Variants in PEBP4 observed in about 807,000 individuals in gnomAD.
PEBP4 encodes phosphatidylethanolamine binding protein 4, also known as phosphatidylethanolamine-binding protein 4.
In PEBP4, 22 loss-of-function variants were observed where a neutral mutation model predicts 23.9. That is an observed-to-expected ratio of 0.92 (90% confidence interval 0.66 to 1.31). PEBP4 has a LOEUF of 1.31. Ranked by LOEUF, PEBP4 falls within the 40% of genes most tolerant of loss-of-function variation. The probability of loss-of-function intolerance (pLI) is 0.00; values close to 1 mark genes in which losing one functional copy is unlikely to be tolerated. For synonymous variants in PEBP4, 112 were observed against 99.3 expected, an observed-to-expected ratio of 1.13 and a Z score of -0.76; for missense variants, 324 against 281.7, an observed-to-expected ratio of 1.15 and a Z score of -1.07.
chr8:22,896,198 A>G (rs1016132917), intron 3 of PEBP4: 2 of 152,258 alleles, frequency 1.3e-5, no homozygotes, highest in African/African-American at 4.8e-5. Context: ...GAGCTTGGAC[A>G]ATCACTGTCA....
intron 2 of PEBP4, chr8:22,924,852 G>A (rs1354529239): frequency 3.0e-6 from 3 of 985,382 alleles, no homozygotes; most frequent in Non-Finnish European, 3.6e-6. Flanking sequence ...AGCAGGGAAG[G>A]TCTGATTCCC....
intron 1 of PEBP4, among the ~76,000 whole-genome samples, chr8:22,933,107 C>A (rs966039329): frequency 1.3e-5 from 2 of 152,240 alleles, no homozygotes; most frequent in East Asian, 3.9e-4. Context: ...CAAGCCCCAG[C>A]TCTTCCTTAA....
At chr8:22,749,564 A>G (rs1805202592) in intron 4 of PEBP4, among the ~76,000 whole-genome samples, 1 of 152,132 alleles carries the variant, frequency 6.6e-6, no homozygotes, top group African/African-American at 2.4e-5. Flanking sequence ...TCGTTTGCTC[A>G]CTGTCTGAAC....
At chr8:22,768,536 G>T (rs1003169145) in intron 4 of PEBP4, among the ~76,000 whole-genome samples, 1 of 152,188 alleles carries the variant, frequency 6.6e-6, no homozygotes, top group Non-Finnish European at 1.5e-5. Flanking sequence ...CCGGGCCTCC[G>T]GTGCGGAGCT....
chr8:22,854,379 C>A (rs1807599641), intron 3 of PEBP4, among the ~76,000 whole-genome samples: 1 of 152,104 alleles, frequency 6.6e-6, no homozygotes, highest in Non-Finnish European at 1.5e-5. Flanking sequence ...AGGTCTGGCA[C>A]CCACTCCTCC....
At chr8:22,729,166 C>T (rs946630836) in intron 4 of PEBP4, among the ~76,000 whole-genome samples, 5 of 152,344 alleles carry the variant, frequency 3.3e-5, no homozygotes, top group South Asian at 2.1e-4. Context: ...GTCTCCTTGC[C>T]GCCCATCTCT....
intron 4 of PEBP4, among the ~76,000 whole-genome samples, chr8:22,799,827 C>A (rs895578263): frequency 1.3e-5 from 2 of 152,116 alleles, no homozygotes; most frequent in African/African-American, 4.8e-5. Flanking sequence ...GTAGAAATAC[C>A]ATTTGACCCA....
chr8:22,725,999 A>ATGTGTGTGTGTG (rs10680983), intron 5 of PEBP4, among the ~76,000 whole-genome samples: 5,948 of 146,360 alleles, frequency 0.041, 158 homozygotes, highest in Non-Finnish European at 0.053. Flanking sequence ...GATCAGATAT[A>ATGTGTGTGTGTG]TGTGTGTGTG....
At position 22,749,802 on chromosome 8, in the gene PEBP4, A is replaced by ATTTTTTTTTTTTTTTTTT. The variant is rs754912133; in HGVS notation, c.358-22583_358-22582insAAAAAAAAAAAAAAAAAA. Among the ~76,000 whole-genome samples, 37 of 41,524 alleles carry ATTTTTTTTTTTTTTTTTT rather than the reference A, an allele frequency of 8.9e-4. 1 individual carries two copies. Among genetic ancestry groups the ATTTTTTTTTTTTTTTTTT allele is most frequent in the South Asian group, 3.0e-3 (3 of 990 alleles). 27.2% of individuals were successfully genotyped at this position (41,524 alleles called of 152,430 possible). The stretch of plus-strand genomic sequence containing the variant: ...CACCTCTCCTGATTCTCAGTTTGTC[A>ATTTTTTTTTTTTTTTTTT]TTCTTTTTTTTTTTTTTTTTTGAGA... On this transcript the variant is annotated intron_variant, in intron 4 of 6. Coordinates refer to ENST00000256404, the MANE Select transcript of PEBP4 (RefSeq NM_144962.3).
intron 3 of PEBP4, among the ~76,000 whole-genome samples, chr8:22,831,686 C>T (rs1248012028): frequency 1.3e-5 from 2 of 152,054 alleles, no homozygotes; most frequent in African/African-American, 4.8e-5. Flanking sequence ...AACCTAAGGA[C>T]GTGATGGACC....
At chr8:22,848,940 T>A (rs1807496587) in intron 3 of PEBP4, among the ~76,000 whole-genome samples, 1 of 152,194 alleles carries the variant, frequency 6.6e-6, no homozygotes, top group Admixed American at 6.5e-5. Flanking sequence ...CAGATAACCT[T>A]ACACTATTTT....
chr8:22,804,567 C>G (rs564882392), intron 4 of PEBP4, among the ~76,000 whole-genome samples: 1 of 152,044 alleles, frequency 6.6e-6, no homozygotes, highest in Non-Finnish European at 1.5e-5. Context: ...GTATAGGCAC[C>G]GTGTTGTACA....
chr8:22,891,900 C>T (rs975422206), intron 3 of PEBP4, among the ~76,000 whole-genome samples: 8 of 152,128 alleles, frequency 5.3e-5, no homozygotes, highest in East Asian at 1.9e-4. Context: ...GGTGAAACCC[C>T]GTCTCTATTA....
intron 4 of PEBP4, among the ~76,000 whole-genome samples, chr8:22,774,979 C>T (rs557705401): frequency 1.3e-5 from 2 of 152,278 alleles, no homozygotes; most frequent in East Asian, 3.9e-4. Context: ...GTCCTGCCAG[C>T]TCCTGGGTGA....
chr8:22,739,796 T>C (rs1176593072), intron 4 of PEBP4, among the ~76,000 whole-genome samples: 1 of 152,134 alleles, frequency 6.6e-6, no homozygotes, highest in Non-Finnish European at 1.5e-5. Context: ...TGTTCTCTAC[T>C]GCCAACGAGA....
In PEBP4 at chr8:22,844,021, A is replaced by G. The variant is rs1039840259; in HGVS notation, c.259-26286T>C. Among the ~76,000 whole-genome samples, 12 of 152,220 alleles carry G rather than the reference A, an allele frequency of 7.9e-5. 1 individual carries two copies. Among genetic ancestry groups the G allele is most frequent in the Admixed American group, 5.2e-4 (8 of 15,284 alleles). On this transcript the variant is annotated intron_variant, in intron 3 of 6. Coordinates refer to ENST00000256404, the MANE Select transcript of PEBP4 (RefSeq NM_144962.3). ...CTGATTCAGTTGGAAAAGTGGGGAA[A>G]AAAATACCACTACTGAAATAATAAC...
At chr8:22,846,998 C>A (rs1342222331) in intron 3 of PEBP4, among the ~76,000 whole-genome samples, 4 of 151,678 alleles carry the variant, frequency 2.6e-5, no homozygotes, top group Non-Finnish European at 5.9e-5. Context: ...CATGCCTCTA[C>A]AAAAAATTTT....
intron 4 of PEBP4, 80 bp from the exon 5 acceptor site, chr8:22,727,300 C>A: frequency 7.2e-7 from 1 of 1,397,810 alleles, no homozygotes. Context: ...GATTGCTTCT[C>A]TCTCTGCAGG....
intron 3 of PEBP4, among the ~76,000 whole-genome samples, chr8:22,857,969 C>T (rs566953841): frequency 4.6e-5 from 7 of 152,156 alleles, no homozygotes; most frequent in African/African-American, 1.7e-4. Context: ...CTTCACGGAC[C>T]GTCCATGGGG....
Sources: allele counts gnomAD v4.1 joint callset (sites outside exome capture counted in the v4.1 genomes callset), GRCh38; gene constraint gnomAD v4.1.1; transcripts MANE v1.5; gene names NCBI Gene and HGNC (gene_info 2026-07-23, HGNC 2026-07-21).